The following RUNX1T1 variants were observed in gnomAD, a reference collection of about 807,000 sequenced individuals.
RUNX1T1 encodes the protein protein CBFA2T1.
RUNX1T1 carries 4 observed loss-of-function variants against 62.8 expected under a neutral mutation model. That is an observed-to-expected ratio of 0.06 (90% CI 0.03 to 0.15). The LOEUF is 0.15. Ranked by LOEUF, RUNX1T1 falls within the 10% of genes least tolerant of loss-of-function variation. RUNX1T1 has a pLI of 1.00. For synonymous variants in RUNX1T1, 291 were observed against 286.0 expected (o/e 1.02, Z -0.18); for missense variants, 508 against 754.3 (o/e 0.67, Z 3.82).
chr8:92,036,046 G>A (rs1256734923), intron 1 of RUNX1T1, among the ~76,000 whole-genome samples: 1 of 151,930 alleles, frequency 6.6e-6, no homozygotes, highest in African/African-American at 2.4e-5. Flanking sequence ...TGTAAATATG[G>A]GTATATATGT....
At chr8:92,024,379 C>T (rs963371681) in intron 1 of RUNX1T1, among the ~76,000 whole-genome samples, 1 of 151,504 alleles carries the variant, frequency 6.6e-6, no homozygotes, top group Non-Finnish European at 1.5e-5. Flanking sequence ...CATGGTGGCA[C>T]ATGCCTGTAG....
chr8:91,985,993 T>C, intron 8 of RUNX1T1, 131 bp downstream of exon 9: 1 of 728,586 alleles, frequency 1.4e-6, no homozygotes, highest in Non-Finnish European at 2.4e-6. Context: ...CAAGACATAT[T>C]GGAGGATATG....
At chr8:92,099,612 C>T (rs947737679) in exon 1 of RUNX1T1, 21 of 985,128 alleles carry the variant, frequency 2.1e-5, no homozygotes, top group Non-Finnish European at 2.5e-5. Flanking sequence ...CAACTGACTC[C>T]GTTTTTTTCA....
upstream of RUNX1T1, among the ~76,000 whole-genome samples, chr8:92,065,750 G>C (rs191098456): frequency 5.9e-5 from 9 of 152,290 alleles, no homozygotes; most frequent in Admixed American, 5.2e-4. Flanking sequence ...TGCAGTTCAG[G>C]AAAGCTCTCT....
chr8:91,964,047 G>A (rs1811080680), intron 10 of RUNX1T1, among the ~76,000 whole-genome samples: 1 of 152,130 alleles, frequency 6.6e-6, no homozygotes, highest in Non-Finnish European at 1.5e-5. Flanking sequence ...ATTGACCAAA[G>A]TTAGGTTGTG....
chr8:91,964,554 T>C (rs1473307713), intron 10 of RUNX1T1, among the ~76,000 whole-genome samples: 2 of 152,182 alleles, frequency 1.3e-5, no homozygotes, highest in East Asian at 3.9e-4. Context: ...TTTCACATGA[T>C]TGCAGTTTCA....
At chr8:92,062,702 G>T in exon 1 of RUNX1T1, 1 of 1,607,898 alleles carries the variant, frequency 6.2e-7, no homozygotes, top group Non-Finnish European at 8.5e-7. Flanking sequence ...GGTGCTGGGC[G>T]CGTGCGCCTG....
At chr8:92,018,040 TCAAA>T (rs144621471) in intron 1 of RUNX1T1, among the ~76,000 whole-genome samples, 368 of 152,268 alleles carry the variant, frequency 2.4e-3, no homozygotes, top group Middle Eastern at 0.01. Flanking sequence ...ATTAATAATC[TCAAA>T]CAGAGTTAAG....
chr8:92,000,954 C>G (rs1003808926), intron 5 of RUNX1T1, among the ~76,000 whole-genome samples: 9 of 152,120 alleles, frequency 5.9e-5, no homozygotes, highest in Admixed American at 5.2e-4. Flanking sequence ...TTCAAGTATG[C>G]AAATATGCTT....
intron 1 of RUNX1T1, among the ~76,000 whole-genome samples, chr8:92,094,713 C>T (rs967371425): frequency 6.6e-6 from 1 of 152,120 alleles, no homozygotes; most frequent in African/African-American, 2.4e-5. Context: ...AAACGAAACT[C>T]CTGTTAAATC....
intron 1 of RUNX1T1, among the ~76,000 whole-genome samples, chr8:92,088,945 G>T (rs1836561774): frequency 1.3e-5 from 2 of 152,148 alleles, no homozygotes; most frequent in Admixed American, 1.3e-4. Context: ...ATTCTCCTTT[G>T]TGGCAAAGAA....
At chr8:91,987,066 G>A (rs764332276) in intron 6 of RUNX1T1, 94 bp from the exon 8 acceptor site, 9 of 807,236 alleles carry the variant, frequency 1.1e-5, no homozygotes, top group African/African-American at 1.0e-4. Flanking sequence ...GGGCAAACTC[G>A]ATGTAAAAAT....
chr8:92,073,524 T>A (rs1159122736), intron 2 of RUNX1T1, among the ~76,000 whole-genome samples: 1 of 152,182 alleles, frequency 6.6e-6, no homozygotes, highest in Non-Finnish European at 1.5e-5. Flanking sequence ...TTGCTTTATC[T>A]GCTTCTAAAT....
Position 91,986,879 on chromosome 8 carries a change from T to C in RUNX1T1, c.996+8A>G. The C allele has an allele frequency of 1.3e-6, 2 of 1,539,732 alleles. No homozygotes were observed. Among genetic ancestry groups the C allele is most frequent in the Non-Finnish European group, 1.8e-6 (2 of 1,113,048 alleles). The stretch of plus-strand genomic sequence containing the variant: ...TTTTTTAATCCCAAATGATTACTGA[T>C]GTCTTACATGGTCAAGATGTTTCCA... On this transcript the variant is annotated splice_region_variant and intron_variant, in intron 7 of 10. Coordinates refer to ENST00000396218, the Ensembl canonical transcript of RUNX1T1.
chr8:92,094,180 C>T (rs1379186534), intron 1 of RUNX1T1, among the ~76,000 whole-genome samples: 1 of 152,206 alleles, frequency 6.6e-6, no homozygotes, highest in East Asian at 1.9e-4. Flanking sequence ...TATTGTCTTA[C>T]CCAATCGATC....
At chr8:92,045,762 T>C (rs899167532) in intron 1 of RUNX1T1, among the ~76,000 whole-genome samples, 4 of 152,178 alleles carry the variant, frequency 2.6e-5, no homozygotes, top group African/African-American at 9.7e-5. Flanking sequence ...CAGGACTGTG[T>C]CTTCCTCTCT....
At chr8:91,976,164 A>G in intron 8 of RUNX1T1, 191 bp from the exon 10 acceptor site, 1 of 541,194 alleles carries the variant, frequency 1.8e-6, no homozygotes, top group East Asian at 3.0e-5. Flanking sequence ...GAGCCCAAGG[A>G]AAACAGAGGG....
chr8:92,005,031 G>C, intron 5 of RUNX1T1, 85 bp downstream of exon 6: 3 of 1,165,788 alleles, frequency 2.6e-6, no homozygotes, highest in Non-Finnish European at 3.6e-6. Context: ...ATAGGCCAGC[G>C]GTTTAATTGT....
At chr8:91,970,621 C>G in intron 10 of RUNX1T1, 37 bp downstream of exon 11, 2 of 1,532,684 alleles carry the variant, frequency 1.3e-6, no homozygotes, top group Non-Finnish European at 1.8e-6. Flanking sequence ...TGAATGAAAA[C>G]TATCTTGTTT....
Sources: gnomAD v4.1 joint callset for allele counts (sites outside exome capture counted in the v4.1 genomes callset) on GRCh38, gnomAD v4.1.1 for gene constraint, MANE v1.5 for transcripts, NCBI Gene and HGNC (gene_info 2026-07-23, HGNC 2026-07-21) for gene names.